CELF4: variants seen among roughly 807,000 people sequenced by gnomAD.
The protein encoded by CELF4 is CUGBP Elav-like family member 4.
In CELF4, 18 loss-of-function variants were observed where a neutral mutation model predicts 59.9. The ratio of observed to expected loss-of-function variants is 0.30; its 90% CI spans 0.21 to 0.45. CELF4 has a LOEUF of 0.45. CELF4 is among the 20% of genes least tolerant of loss of function. CELF4 has a pLI of 1.00. For synonymous variants in CELF4, 261 were observed against 267.1 expected (o/e 0.98, Z 0.22); for missense variants, 456 against 689.0 (o/e 0.66, Z 3.79).
intron 2 of CELF4, among the ~76,000 whole-genome samples, chr18:37,399,068 G>A (rs1389311763): frequency 6.6e-6 from 1 of 152,106 alleles, no homozygotes; most frequent in Non-Finnish European, 1.5e-5. Flanking sequence ...CAAATGATAG[G>A]GCGCCCAAGG....
At chr18:37,490,372 A>C (rs1483121574) in intron 1 of CELF4, among the ~76,000 whole-genome samples, 1 of 152,154 alleles carries the variant, frequency 6.6e-6, no homozygotes, top group East Asian at 1.9e-4. Flanking sequence ...TGCATAATTA[A>C]CTTGAAAGGA....
At chr18:37,350,899 G>A (rs986698530) in intron 2 of CELF4, among the ~76,000 whole-genome samples, 2 of 152,152 alleles carry the variant, frequency 1.3e-5, no homozygotes, top group African/African-American at 4.8e-5. Flanking sequence ...AACAGCTGGG[G>A]AGCAGGCCTG....
intron 3 of CELF4, among the ~76,000 whole-genome samples, chr18:37,277,869 C>G (rs944629852): frequency 6.6e-6 from 1 of 152,138 alleles, no homozygotes; most frequent in African/African-American, 2.4e-5. Context: ...GGCCCTCTTG[C>G]TAAAAATTCC....
intron 3 of CELF4, 31 bp downstream of exon 3, chr18:37,321,771 AG>A: frequency 2.1e-6 from 3 of 1,454,038 alleles, no homozygotes; most frequent in Non-Finnish European, 2.9e-6. Context: ...TGAGAGGGGG[AG>A]GGGGAGGGGC....
rs1020992812 is a variant in CELF4, at chr18:37,406,390, C to T, written c.369+79135G>A. Among the ~76,000 whole-genome samples the T allele has an allele frequency of 6.6e-5, 10 of 152,108 alleles. No homozygotes were observed. In the East Asian group the frequency reaches 7.7e-4, roughly 12 times the overall value. ...TAGCTCACTAAAAACATGCCTTCTACGGGAAAGGTCTCTCTGCCTCCCACA... is the reference window on the plus strand; with the variant it reads ...TAGCTCACTAAAAACATGCCTTCTATGGGAAAGGTCTCTCTGCCTCCCACA... On this transcript the variant is annotated intron_variant, in intron 2 of 12. Coordinates refer to ENST00000420428, the MANE Select transcript of CELF4 (RefSeq NM_020180.4).
At chr18:37,517,266 G>A (rs2099951720) in intron 1 of CELF4, among the ~76,000 whole-genome samples, 1 of 152,192 alleles carries the variant, frequency 6.6e-6, no homozygotes, top group Non-Finnish European at 1.5e-5. Flanking sequence ...TTTGGGGCTG[G>A]GGTACAGGCA....
At chr18:37,545,908 G>T (rs1198433570) in intron 1 of CELF4, among the ~76,000 whole-genome samples, 1 of 152,184 alleles carries the variant, frequency 6.6e-6, no homozygotes, top group Non-Finnish European at 1.5e-5. Flanking sequence ...GCCCAGCCAT[G>T]CATCCAAGAA....
chr18:37,272,572 G>GAAAAAAAAAAAAAA (rs397692958), intron 7 of CELF4, among the ~76,000 whole-genome samples: 1 of 104,926 alleles, frequency 9.5e-6, no homozygotes, highest in Non-Finnish European at 1.9e-5. Flanking sequence ...AAAGGGAAAT[G>GAAAAAAAAAAAAAA]AAAAAAAAAA....
intron 1 of CELF4, among the ~76,000 whole-genome samples, chr18:37,531,907 G>A (rs1176640143): frequency 6.6e-6 from 1 of 152,216 alleles, no homozygotes; most frequent in East Asian, 1.9e-4. Context: ...CCTCCAACAG[G>A]ATCTACCTGT....
At chr18:37,558,060 G>A (rs2099985344) in intron 1 of CELF4, among the ~76,000 whole-genome samples, 2 of 139,728 alleles carry the variant, frequency 1.4e-5, no homozygotes, top group South Asian at 4.5e-4. Context: ...GGAGTGCAGT[G>A]GTGCAATCTC....
intron 2 of CELF4, among the ~76,000 whole-genome samples, chr18:37,421,422 C>T (rs898045262): frequency 6.6e-6 from 1 of 152,236 alleles, no homozygotes; most frequent in Non-Finnish European, 1.5e-5. Flanking sequence ...CCCTGGGCTC[C>T]GCACAGCTTT....
intron 3 of CELF4, among the ~76,000 whole-genome samples, chr18:37,305,064 A>G (rs73425282): frequency 0.052 from 7,903 of 152,196 alleles, 519 homozygotes; most frequent in African/African-American, 0.15. Flanking sequence ...CAGGAGGAGG[A>G]GAAGGGGTGA....
chr18:37,562,377 C>T (rs1603644278), intron 1 of CELF4, among the ~76,000 whole-genome samples: 1 of 145,764 alleles, frequency 6.9e-6, no homozygotes. Flanking sequence ...TTTCCTTTTC[C>T]TTTTTTTTTT....
At chr18:37,390,161 G>A (rs982462719) in intron 2 of CELF4, among the ~76,000 whole-genome samples, 1 of 152,222 alleles carries the variant, frequency 6.6e-6, no homozygotes, top group African/African-American at 2.4e-5. Context: ...TGCTGTAGGT[G>A]GCATATGTCC....
intron 2 of CELF4, among the ~76,000 whole-genome samples, chr18:37,356,857 G>A (rs967604899): frequency 3.3e-5 from 5 of 152,114 alleles, no homozygotes; most frequent in Admixed American, 6.5e-5. Context: ...CCAGGCACTC[G>A]GCACCTTGCT....
chr18:37,524,769 C>T (rs2099961672), intron 1 of CELF4, among the ~76,000 whole-genome samples: 1 of 152,180 alleles, frequency 6.6e-6, no homozygotes. Flanking sequence ...ATCCCCCGAG[C>T]CGCAGGCCGC....
chr18:37,287,633 G>A (rs2094928420), intron 3 of CELF4, among the ~76,000 whole-genome samples: 1 of 152,122 alleles, frequency 6.6e-6, no homozygotes, highest in South Asian at 2.1e-4. Context: ...AGGCCTCTGG[G>A]TTCCTTTCTA....
chr18:37,527,868 A>G (rs1603643455), intron 1 of CELF4, among the ~76,000 whole-genome samples: 1 of 152,066 alleles, frequency 6.6e-6, no homozygotes, highest in African/African-American at 2.4e-5. Context: ...ACTGCATTTG[A>G]TTTCAGGCTG....
intron 1 of CELF4, among the ~76,000 whole-genome samples, chr18:37,504,958 T>G (rs940274528): frequency 6.6e-6 from 1 of 152,258 alleles, no homozygotes; most frequent in Non-Finnish European, 1.5e-5. Flanking sequence ...CCACCAGGCC[T>G]GGGCCAGAGC....
Sources: gnomAD v4.1 joint callset for allele counts (sites outside exome capture counted in the v4.1 genomes callset) on GRCh38, gnomAD v4.1.1 for gene constraint, MANE v1.5 for transcripts, NCBI Gene and HGNC (gene_info 2026-07-23, HGNC 2026-07-21) for gene names.